Variants in AKT3 observed in about 807,000 individuals in gnomAD.
The protein encoded by AKT3 is RAC-gamma serine/threonine-protein kinase.
AKT3 carries 15 observed loss-of-function variants against 65.3 expected under a neutral mutation model. That is an observed-to-expected ratio of 0.23 (90% CI 0.15 to 0.35). The LOEUF (loss-of-function observed/expected upper bound fraction) is 0.35, where lower values mean the gene tolerates loss of function less well. AKT3 is among the 10% of genes least tolerant of loss of function. AKT3 has a pLI of 1.00. For missense variants in AKT3, 243 were observed against 576.5 expected (o/e 0.42, Z 5.92); for synonymous variants, 206 against 183.8 (o/e 1.12, Z -0.98).
chr1:243,513,288 T>C (rs1320745693), intron 12 of AKT3, among the ~76,000 whole-genome samples: 3 of 152,166 alleles, frequency 2.0e-5, no homozygotes, highest in African/African-American at 7.2e-5. Context: ...AGGTTCCTTC[T>C]AGCACAGGAT....
chr1:243,500,858 C>T lies in AKT3; in HGVS notation c.*4391G>A, dbSNP rs575280622. The T allele has an allele frequency of 9.6e-5, 22 of 228,964 alleles. No homozygotes were observed. In the South Asian group the frequency reaches 3.3e-3, roughly 34 times the overall value. The allele number at this position is 228,964 out of a possible 1,614,324, so 14.2% of individuals were successfully genotyped here. ...AGCCTGAAACAGTAGAACTTCTATT[C>T]AGATTCAGAAGTTTTTTATTTCATC... On this transcript the variant is annotated 3_prime_UTR_variant, in exon 14 of 14. Coordinates refer to ENST00000673466, the MANE Select transcript of AKT3 (RefSeq NM_005465.7).
chr1:243,532,834 C>T lies in AKT3; in HGVS notation c.1251+12676G>A, dbSNP rs561948019. Among the ~76,000 whole-genome samples the T allele has an allele frequency of 4.5e-3, 689 of 152,140 alleles. 1 individual carries two copies. Among genetic ancestry groups the T allele is most frequent in the Non-Finnish European group, 6.8e-3 (459 of 67,986 alleles). ...AGTGATTTTATTTCTTTAAGAGTTA[C>T]GGGGTCTATTTGGATTTTCAATTTA... On this transcript the variant is annotated intron_variant, in intron 12 of 13. Transcript: ENST00000673466.
chr1:243,718,291 T>C lies in AKT3; in HGVS notation c.47-22575A>G, dbSNP rs115228990. 5.1e-3 allele frequency among the ~76,000 whole-genome samples: 784 copies of C among 152,254 alleles called. 9 individuals are homozygous for C. Among genetic ancestry groups the C allele is most frequent in the African/African-American group, 0.018 (739 of 41,534 alleles). On this transcript the variant is annotated intron_variant, in intron 2 of 13. Coordinates refer to ENST00000673466, the MANE Select transcript of AKT3 (RefSeq NM_005465.7). The stretch of plus-strand genomic sequence containing the variant: ...GACATGGATGTCCACAAGCCAACGA[T>C]TGTATGCATTCTCTGTATCGTTACT...
intron 4 of AKT3, among the ~76,000 whole-genome samples, chr1:243,658,131 T>C (rs1454246393): frequency 6.6e-6 from 1 of 152,150 alleles, no homozygotes; most frequent in Non-Finnish European, 1.5e-5. Flanking sequence ...AATAAAAAGC[T>C]TCTGCACAGC....
intron 9 of AKT3, 67 bp from the exon 10 acceptor site, chr1:243,563,915 A>G: frequency 6.8e-7 from 1 of 1,464,790 alleles, no homozygotes; most frequent in South Asian, 1.4e-5. Flanking sequence ...ACCATTTTAA[A>G]AAACTACTGA....
At chr1:243,563,121 T>C (rs1245272494) in intron 10 of AKT3, among the ~76,000 whole-genome samples, 1 of 152,186 alleles carries the variant, frequency 6.6e-6, no homozygotes, top group African/African-American at 2.4e-5. Flanking sequence ...TCCTTTTCTG[T>C]GTTGTGCCTG....
intron 2 of AKT3, among the ~76,000 whole-genome samples, chr1:243,758,522 A>G (rs1689283919): frequency 6.6e-6 from 1 of 152,180 alleles, no homozygotes; most frequent in Non-Finnish European, 1.5e-5. Flanking sequence ...GGTAATGAGG[A>G]GCCAGATCAT....
intron 8 of AKT3, 55 bp from the exon 9 acceptor site, chr1:243,573,103 A>C: frequency 6.3e-7 from 1 of 1,585,048 alleles, no homozygotes; most frequent in Non-Finnish European, 8.6e-7. Context: ...TAGTGGGGGA[A>C]ATTAACACAA....
chr1:243,632,258 T>C (rs1298037668), intron 6 of AKT3, among the ~76,000 whole-genome samples: 2 of 152,238 alleles, frequency 1.3e-5, no homozygotes, highest in African/African-American at 4.8e-5. Context: ...GGCTGCAGAA[T>C]GGACGTTGAT....
At chr1:243,757,641 A>G (rs1322140775) in intron 2 of AKT3, among the ~76,000 whole-genome samples, 1 of 152,170 alleles carries the variant, frequency 6.6e-6, no homozygotes, top group Non-Finnish European at 1.5e-5. Flanking sequence ...TAAAGAAGAA[A>G]AAGCATTATT....
intron 3 of AKT3, among the ~76,000 whole-genome samples, chr1:243,694,818 A>T (rs747628978): frequency 1.1e-4 from 16 of 151,926 alleles, no homozygotes; most frequent in Admixed American, 1.0e-3. Context: ...TGGCTAATAG[A>T]TAACATATAA....
At chr1:243,611,968 G>A (rs1399699583) in intron 8 of AKT3, among the ~76,000 whole-genome samples, 1 of 152,110 alleles carries the variant, frequency 6.6e-6, no homozygotes, top group Non-Finnish European at 1.5e-5. Context: ...CTTTCACTAT[G>A]CATTCTAATT....
chr1:243,555,677 A>C (rs763080546), intron 10 of AKT3, among the ~76,000 whole-genome samples: 13 of 152,148 alleles, frequency 8.5e-5, no homozygotes, highest in Non-Finnish European at 1.5e-4. Flanking sequence ...GCTGGCTGAA[A>C]GGTATGATAA....
chr1:243,832,010 G>A (rs1159620916), intron 2 of AKT3, among the ~76,000 whole-genome samples: 1 of 151,270 alleles, frequency 6.6e-6, no homozygotes, highest in Non-Finnish European at 1.5e-5. Flanking sequence ...GCCACCAACA[G>A]TGGCTCCTGC....
chr1:243,841,166 G>A (rs1239161353), intron 2 of AKT3, among the ~76,000 whole-genome samples: 1 of 123,490 alleles, frequency 8.1e-6, no homozygotes, highest in African/African-American at 2.5e-5. Flanking sequence ...AAAAATGATG[G>A]CAAATTCTTA....
At chr1:243,558,289 AG>A (rs1470929228) in intron 10 of AKT3, among the ~76,000 whole-genome samples, 1 of 152,050 alleles carries the variant, frequency 6.6e-6, no homozygotes, top group African/African-American at 2.4e-5. Flanking sequence ...TAATTTATAT[AG>A]AAATTAATCT....
At chr1:243,650,816 T>C (rs139788689) in intron 4 of AKT3, among the ~76,000 whole-genome samples, 1,634 of 152,294 alleles carry the variant, frequency 0.011, 20 homozygotes, top group African/African-American at 0.037. Context: ...CCTTGTAGTA[T>C]AGTTTGAAGT....
intron 2 of AKT3, among the ~76,000 whole-genome samples, chr1:243,773,616 C>A (rs1168186645): frequency 1.3e-5 from 2 of 151,800 alleles, no homozygotes; most frequent in East Asian, 1.9e-4. Context: ...CACAGTGAGA[C>A]CCCATCGCCC....
intron 12 of AKT3, among the ~76,000 whole-genome samples, chr1:243,541,507 G>C (rs377516248): frequency 6.6e-5 from 10 of 151,310 alleles, no homozygotes; most frequent in Non-Finnish European, 1.3e-4. Flanking sequence ...CCCTATACTA[G>C]TGCTGAAATC....
Sources: allele counts gnomAD v4.1 joint callset (sites outside exome capture counted in the v4.1 genomes callset), GRCh38; gene constraint gnomAD v4.1.1; transcripts MANE v1.5; gene names NCBI Gene and HGNC (gene_info 2026-07-23, HGNC 2026-07-21).